COL4A4: variants seen among roughly 807,000 people sequenced by gnomAD.
COL4A4 encodes collagen type IV alpha 4 chain, also known as collagen alpha-4(IV) chain.
In COL4A4, 105 loss-of-function variants were observed where a neutral mutation model predicts 192.9. The observed-to-expected ratio is 0.54, with a 90% CI of 0.46 to 0.64. The LOEUF (loss-of-function observed/expected upper bound fraction) is 0.64, where lower values mean the gene tolerates loss of function less well. Among genes scored for constraint, COL4A4 ranks in the 30% least tolerant of loss-of-function variants. The probability of loss-of-function intolerance (pLI) is 0.00; values close to 1 mark genes in which losing one functional copy is unlikely to be tolerated. For missense variants in COL4A4, 1,967 were observed against 2,169.3 expected (o/e 0.91, Z 1.85); for synonymous variants, 762 against 769.9 (o/e 0.99, Z 0.17).
intron 22 of COL4A4, among the ~76,000 whole-genome samples, chr2:227,088,215 G>T (rs2059705792): frequency 6.6e-6 from 1 of 152,186 alleles, no homozygotes; most frequent in African/African-American, 2.4e-5. Flanking sequence ...TTAGAAAGAG[G>T]CACCTCGATT....
chr2:227,140,034 G>T, intron 4 of COL4A4, 127 bp downstream of exon 4: 1 of 770,644 alleles, frequency 1.3e-6, no homozygotes, highest in Non-Finnish European at 2.3e-6. Flanking sequence ...GAAAAACTTC[G>T]GCTGTGAAAT....
At chr2:227,049,752 C>A (rs1973663875) in intron 34 of COL4A4, among the ~76,000 whole-genome samples, 1 of 152,320 alleles carries the variant, frequency 6.6e-6, no homozygotes, top group Non-Finnish European at 1.5e-5. Context: ...GGCCCACTGA[C>A]ATGGATCTGT....
downstream of COL4A4, chr2:226,997,805 A>G (rs1040183353): frequency 6.6e-6 from 1 of 152,186 alleles, no homozygotes; most frequent in Admixed American, 6.5e-5. Context: ...ATGTAAACCA[A>G]TTACTTTAGC....
At chr2:227,146,005 T>C (rs1320546409) in intron 2 of COL4A4, among the ~76,000 whole-genome samples, 22 of 152,252 alleles carry the variant, frequency 1.4e-4, no homozygotes, top group Admixed American at 1.3e-3. Flanking sequence ...TGAGTTATTA[T>C]CACTGGACAT....
the COL4A4 span, among the ~76,000 whole-genome samples, chr2:226,981,890 C>T: frequency 4.6e-5 from 7 of 152,294 alleles, no homozygotes; most frequent in Non-Finnish European, 7.4e-5. Context: ...CTCACTGCCA[C>T]GTATCTCATG....
At chr2:227,102,741 A>G (rs1259927929) in intron 15 of COL4A4, 48 bp downstream of exon 15, 7 of 1,515,032 alleles carry the variant, frequency 4.6e-6, no homozygotes, top group Non-Finnish European at 3.7e-6. Flanking sequence ...AAAACATGAA[A>G]GAGAAATATC....
rs772759757 is a variant in COL4A4, at chr2:227,062,569, G to C, written c.2017C>G (p.Pro673Ala). ...AAACCTGGAGGGCCATGCCTCCCAG[G>C]GTAGGTTACGTTGCAAGAAATTGTG... ...GDTISCNVTY[P>A]GRHGPPGFDG... is the part of the protein sequence containing the mutation. The change falls in exon 26 of 48, where the codon CCT becomes GCT. Residue 673 changes from proline to alanine, a missense_variant. Physicochemically the swap from Pro to Ala is conservative, Grantham distance 27. Transcript: ENST00000396625. 2.5e-6 allele frequency: 4 copies of C among 1,613,050 alleles called. No individual in the cohort carries two copies. The highest frequency in any genetic ancestry group is 3.4e-6 in the Non-Finnish European group (4 of 1,179,308).
chr2:226,988,343 C>G, the COL4A4 span: 2 of 1,549,866 alleles, frequency 1.3e-6, no homozygotes, highest in East Asian at 2.4e-5. Flanking sequence ...AAAACCAGGT[C>G]ATAAAGAGAC....
chr2:227,032,028 C>T lies in COL4A4; in HGVS notation c.3734G>A (p.Gly1245Asp). Residue 1245 changes from glycine to aspartate, a missense_variant, in exon 40 of 48, where the codon GGT (glycine) becomes GAT (aspartate). Gly to Asp is a moderately conservative substitution (Grantham distance 94, BLOSUM62 -1). Transcript: ENST00000396625. ...PGSSGPPGPA[G>D]ATGRAPKDIP... ...GTCCTTAGGAGCTCTTCCTGTGGCACCTGCAGGACCAGGTGGTCCTGAACT... is the reference window on the plus strand; with the variant it reads ...GTCCTTAGGAGCTCTTCCTGTGGCATCTGCAGGACCAGGTGGTCCTGAACT... The T allele has an allele frequency of 1.2e-6, 2 of 1,614,046 alleles. No individual in the cohort carries two copies. The highest frequency in any genetic ancestry group is 1.1e-5 in the South Asian group (1 of 91,074).
chr2:226,989,054 G>A, the COL4A4 span, among the ~76,000 whole-genome samples: 1 of 152,252 alleles, frequency 6.6e-6, no homozygotes, highest in Non-Finnish European at 1.5e-5. Flanking sequence ...AGGGGCTGAG[G>A]AAGACAACTG....
At chr2:226,972,929 C>CAA in the COL4A4 span, among the ~76,000 whole-genome samples, 1,265 of 126,896 alleles carry the variant, frequency 1.0e-2, 9 homozygotes, top group African/African-American at 0.025. Context: ...AAGCCTGTAG[C>CAA]AAAAAAAAAA....
chr2:227,108,960 A>T, intron 10 of COL4A4, 92 bp from the exon 11 acceptor site: 2 of 1,237,544 alleles, frequency 1.6e-6, no homozygotes, highest in Non-Finnish European at 2.4e-6. Context: ...GGTCCTATTT[A>T]GGAAACCCTT....
chr2:226,967,606 C>A, the COL4A4 span, among the ~76,000 whole-genome samples: 1 of 143,022 alleles, frequency 7.0e-6, no homozygotes, highest in Non-Finnish European at 1.5e-5. Context: ...TAGTGGAATT[C>A]CACTTTTCTG....
At chr2:227,013,563 A>T (rs1157263494) in intron 44 of COL4A4, among the ~76,000 whole-genome samples, 1 of 152,140 alleles carries the variant, frequency 6.6e-6, no homozygotes, top group Admixed American at 6.5e-5. Context: ...AGGACACAGG[A>T]AGATGGTGGC....
chr2:226,982,840 G>C, the COL4A4 span, among the ~76,000 whole-genome samples: 1 of 152,210 alleles, frequency 6.6e-6, no homozygotes, highest in Non-Finnish European at 1.5e-5. Context: ...CTTGTTCCTA[G>C]GACTGGGTGA....
rs1278341949 is a variant in COL4A4, at chr2:227,109,248, T to C, written c.633A>G (p.Gly211=). The change falls in exon 10 of 48, where the codon GGA becomes GGG. Residue 211 remains glycine, a synonymous_variant. Coordinates refer to ENST00000396625, the MANE Select transcript of COL4A4 (RefSeq NM_000092.5). ...CCACTAACCCTGGCTCTCCAGGATA[T>C]CCTGTGGGACCTGCCGGTCCTCCTG... is the stretch of plus-strand genomic sequence containing the variant. ...WGAGGPAGPT[G]YPGEPGLVGP... The C allele has an allele frequency of 1.2e-6, 2 of 1,614,040 alleles. No individual in the cohort carries two copies. Among genetic ancestry groups the C allele is most frequent in the Non-Finnish European group, 1.7e-6 (2 of 1,180,008 alleles).
At chr2:227,033,661 C>T (rs1006088018) in intron 37 of COL4A4, among the ~76,000 whole-genome samples, 180 bp from the exon 38 acceptor site, 2 of 152,188 alleles carry the variant, frequency 1.3e-5, no homozygotes, top group South Asian at 2.1e-4. Flanking sequence ...CACATTCATC[C>T]GGTAAAGATT....
Position 227,055,961 on chromosome 2 carries a change from A to G in COL4A4, c.2700T>C (p.Gly900=). ...ACTACCTACCCTTTGGACCTGGAGG[A>G]CCAGGTAGCCCATCATCTCCAAAGG... ...PGPFGDDGLP[G]PPGPKGPRGL... Residue 900 remains glycine (G), a synonymous_variant, in exon 30 of 48, where the codon GGT becomes GGC. Transcript: ENST00000396625. The G allele has an allele frequency of 6.2e-7, 1 of 1,613,870 alleles. No individual in the cohort carries two copies.
downstream of COL4A4, among the ~76,000 whole-genome samples, chr2:226,999,521 G>C (rs1215513747): frequency 6.6e-6 from 1 of 152,172 alleles, no homozygotes; most frequent in Non-Finnish European, 1.5e-5. Context: ...CGTTGGATGT[G>C]TTTGTGCTAA....
Sources: gnomAD v4.1 joint callset for allele counts (sites outside exome capture counted in the v4.1 genomes callset) on GRCh38, gnomAD v4.1.1 for gene constraint, MANE v1.5 for transcripts, NCBI Gene and HGNC (gene_info 2026-07-23, HGNC 2026-07-21) for gene names.